The following ATXN2 variants were observed in gnomAD, a reference collection of about 807,000 sequenced individuals.
ATXN2 encodes ataxin-2.
A neutral mutation model predicts 138.6 loss-of-function variants in ATXN2; 37 were observed. The observed-to-expected ratio is 0.27, with a 90% CI of 0.21 to 0.35. The LOEUF is 0.35. Among genes scored for constraint, ATXN2 ranks in the 10% least tolerant of loss-of-function variants. The probability of loss-of-function intolerance (pLI) is 1.00; values close to 1 mark genes in which losing one functional copy is unlikely to be tolerated. For missense variants in ATXN2, 1,216 were observed against 1,480.3 expected (o/e 0.82, Z 2.93); for synonymous variants, 549 against 543.7 (o/e 1.01, Z -0.13).
At chr12:111,582,138 A>C (rs971429538) in intron 1 of ATXN2, among the ~76,000 whole-genome samples, 3 of 152,166 alleles carry the variant, frequency 2.0e-5, no homozygotes, top group Admixed American at 2.0e-4. Context: ...GTTCAAAACC[A>C]GCCCGGGTAA....
intron 1 of ATXN2, among the ~76,000 whole-genome samples, chr12:111,559,390 C>G (rs1049699361): frequency 2.0e-5 from 3 of 151,684 alleles, no homozygotes; most frequent in Non-Finnish European, 4.4e-5. Flanking sequence ...TGAGCTACCA[C>G]GCCCGGCCAA....
chr12:111,493,314 G>T lies in ATXN2; in HGVS notation c.1936-4534C>A, dbSNP rs576648311. Among the ~76,000 whole-genome samples, 4 of 151,348 alleles carry T rather than the reference G, an allele frequency of 2.6e-5. No individual in the cohort carries two copies. The South Asian group carries it at 8.3e-4, about 32-fold the overall frequency. ...ACATGCTTGTAATCCCAGCTACTTG[G>T]GAGGCTGAGGCAGAAGAATCGCTTG... On this transcript the variant is annotated intron_variant, in intron 14 of 24. Transcript: ENST00000673436.
intron 1 of ATXN2, among the ~76,000 whole-genome samples, chr12:111,584,555 G>A (rs1884216550): frequency 6.6e-6 from 1 of 151,938 alleles, no homozygotes; most frequent in Non-Finnish European, 1.5e-5. Flanking sequence ...CTTGGCAGCT[G>A]GGTGCAGTGG....
intron 1 of ATXN2, 57 bp from the exon 2 acceptor site, chr12:111,555,976 T>C (rs1882366615): frequency 2.3e-6 from 3 of 1,327,222 alleles, no homozygotes; most frequent in East Asian, 5.2e-5. Context: ...AGCTGAAAAA[T>C]ATTTCCAAAC....
chr12:111,479,575 A>G (rs543061889), intron 18 of ATXN2, among the ~76,000 whole-genome samples: 37 of 152,236 alleles, frequency 2.4e-4, no homozygotes, highest in African/African-American at 8.7e-4. Flanking sequence ...GCTGATACTA[A>G]CATGAAATTC....
chr12:111,531,306 G>A (rs1315450886), intron 5 of ATXN2, among the ~76,000 whole-genome samples: 5 of 152,084 alleles, frequency 3.3e-5, no homozygotes, highest in South Asian at 4.1e-4. Flanking sequence ...CCAGCTACTC[G>A]GGAGGCTGAG....
chr12:111,534,490 A>C (rs1881032829), intron 5 of ATXN2, among the ~76,000 whole-genome samples: 2 of 152,206 alleles, frequency 1.3e-5, no homozygotes, highest in Admixed American at 1.3e-4. Flanking sequence ...CACTGTATAT[A>C]TACTAGACAC....
At chr12:111,582,405 G>A (rs1022638234) in intron 1 of ATXN2, among the ~76,000 whole-genome samples, 7 of 151,094 alleles carry the variant, frequency 4.6e-5, no homozygotes, top group South Asian at 2.1e-4. Context: ...ATTGCACCAC[G>A]CACTGCAGCC....
chr12:111,547,550 A>AC (rs1201484771), intron 5 of ATXN2, among the ~76,000 whole-genome samples: 1 of 150,344 alleles, frequency 6.7e-6, no homozygotes, highest in Non-Finnish European at 1.5e-5. Context: ...ACGTGGAGAA[A>AC]CCCAGTCTCT....
rs562951391 is a variant in ATXN2, at chr12:111,501,186, C to G, written c.1935+8363G>C. On this transcript the variant is annotated intron_variant, in intron 14 of 24. Coordinates refer to ENST00000673436, the MANE Select transcript of ATXN2 (RefSeq NM_001372574.1). ...AAAACCTTTAAAGTAGACTGCAAAACCAAGGACCATCAAAAAGAACAGAAG... is the reference window on the plus strand; with the variant it reads ...AAAACCTTTAAAGTAGACTGCAAAAGCAAGGACCATCAAAAAGAACAGAAG... 5.3e-5 allele frequency among the ~76,000 whole-genome samples: 8 copies of G among 152,152 alleles called. No homozygotes were observed. The South Asian group carries it at 1.7e-3, about 32-fold the overall frequency.
Position 111,599,240 on chromosome 12 carries a change from C to T in ATXN2, c.-206G>A. Reference sequence around the variant, plus strand: ...AGGCCCGCCGAGACCAAGGAGCCGCCGGGAGCCGGGCCGAAACGCGCCGCC... The same window carrying T: ...AGGCCCGCCGAGACCAAGGAGCCGCTGGGAGCCGGGCCGAAACGCGCCGCC... On this transcript the variant is annotated 5_prime_UTR_variant, in exon 1 of 25. Coordinates refer to ENST00000673436, the MANE Select transcript of ATXN2 (RefSeq NM_001372574.1). 1 of 1,129,640 alleles carries T rather than the reference C, an allele frequency of 8.9e-7. No homozygotes were observed. The highest frequency in any genetic ancestry group is 1.1e-6 in the Non-Finnish European group (1 of 926,698). The allele number at this position is 1,129,640 out of a possible 1,614,324, so 70.0% of individuals were successfully genotyped here. A position where few individuals can be genotyped will look rare whatever the true frequency, so the allele number is the denominator to read the frequency against.
At chr12:111,455,089 G>A (rs912238995) in intron 23 of ATXN2, 4 of 702,890 alleles carry the variant, frequency 5.7e-6, no homozygotes, top group South Asian at 1.5e-5. Flanking sequence ...CGCATCTCTA[G>A]CCCACACCTT....
At chr12:111,546,838 A>T (rs561508201) in intron 5 of ATXN2, among the ~76,000 whole-genome samples, 16 of 152,328 alleles carry the variant, frequency 1.1e-4, no homozygotes, top group South Asian at 8.3e-4. Context: ...AATAAAGGAT[A>T]AATACAAACT....
rs1462942723 is a variant in ATXN2, at chr12:111,568,567, T to G, written c.252-12648A>C. Among the ~76,000 whole-genome samples the G allele has an allele frequency of 2.6e-5, 4 of 152,142 alleles. 1 individual carries two copies. The highest frequency in any genetic ancestry group is 6.3e-3 in the Middle Eastern group (2 of 316). On this transcript the variant is annotated intron_variant, in intron 1 of 24. Coordinates refer to ENST00000673436, the MANE Select transcript of ATXN2 (RefSeq NM_001372574.1). Reference sequence around the variant, plus strand: ...CTTTGGCATAAGGGTACCACATACCTCTAACCCCCTTCCAGTAAAACTGTA... The same window carrying G: ...CTTTGGCATAAGGGTACCACATACCGCTAACCCCCTTCCAGTAAAACTGTA...
intron 21 of ATXN2, chr12:111,461,291 G>A (rs1254095406): frequency 2.0e-5 from 3 of 152,040 alleles, no homozygotes; most frequent in African/African-American, 2.4e-5. Flanking sequence ...CCAACACGGC[G>A]AAACCCTGTC....
rs1885070644 is a variant in ATXN2, at chr12:111,598,733, GGGAGGGGACGCCGGGCCCGGAGC to G, written c.251+28_251+50del. Reference sequence around the variant, plus strand: ...GCGGGGACGGCGGCGCGGGCCGCGGGGGAGGGGACGCCGGGCCCGGAGCGGAGGGGGCTGGGGTGCCGACACCC... The same window carrying G: ...GCGGGGACGGCGGCGCGGGCCGCGGGGGAGGGGGCTGGGGTGCCGACACCC... On this transcript the variant is annotated intron_variant, in intron 1 of 24. Coordinates refer to ENST00000673436, the MANE Select transcript of ATXN2 (RefSeq NM_001372574.1). This position sits in a 1 kb window ranked among gnomAD's most constrained non-coding sequence, Gnocchi z 4.5. The G allele has an allele frequency of 9.0e-7, 1 of 1,111,288 alleles. No individual in the cohort carries two copies. Among genetic ancestry groups the G allele is most frequent in the South Asian group, 4.4e-5 (1 of 22,628 alleles). The allele number at this position is 1,111,288 out of a possible 1,614,324, so 68.8% of individuals were successfully genotyped here.
chr12:111,463,056 AT>A (rs1175828047), intron 21 of ATXN2, among the ~76,000 whole-genome samples: 1 of 152,056 alleles, frequency 6.6e-6, no homozygotes, highest in Non-Finnish European at 1.5e-5. Context: ...TCATGGCATA[AT>A]TAACAAAGAT....
chr12:111,575,199 C>G (rs533912106), intron 1 of ATXN2, among the ~76,000 whole-genome samples: 1 of 152,198 alleles, frequency 6.6e-6, no homozygotes, highest in Non-Finnish European at 1.5e-5. Flanking sequence ...AGAACAAGAC[C>G]CTTAGCAACA....
intron 1 of ATXN2, among the ~76,000 whole-genome samples, chr12:111,579,787 C>T (rs1883888156): frequency 6.6e-6 from 1 of 151,588 alleles, no homozygotes; most frequent in South Asian, 2.1e-4. Context: ...CAACCTCCTC[C>T]TCCTGGGTTC....
Sources: allele counts gnomAD v4.1 joint callset (sites outside exome capture counted in the v4.1 genomes callset), GRCh38; gene constraint gnomAD v4.1.1; non-coding constraint Gnocchi (gnomAD v3.1); transcripts MANE v1.5; gene names NCBI Gene and HGNC (gene_info 2026-07-23, HGNC 2026-07-21).